Variants in ETF1 observed in about 807,000 individuals in gnomAD.
The protein encoded by ETF1 is eukaryotic peptide chain release factor subunit 1.
ETF1 carries 4 observed loss-of-function variants against 55.1 expected under a neutral mutation model. That is an observed-to-expected ratio of 0.07 (90% confidence interval 0.04 to 0.17). ETF1 has a LOEUF of 0.17. Ranked by LOEUF, ETF1 falls within the 10% of genes least tolerant of loss-of-function variation. ETF1 has a pLI of 1.00. For synonymous variants in ETF1, 157 were observed against 182.3 expected (o/e 0.86, Z 1.12); for missense variants, 142 against 523.6 (o/e 0.27, Z 7.11).
chr5:138,520,482 T>C (rs916148060), intron 2 of ETF1, among the ~76,000 whole-genome samples: 3 of 152,180 alleles, frequency 2.0e-5, no homozygotes, highest in Non-Finnish European at 4.4e-5. Context: ...CAAAGACACT[T>C]ATCATCACTA....
intron 2 of ETF1, 41 bp downstream of exon 2, chr5:138,542,792 G>T (rs779241333): frequency 1.2e-6 from 2 of 1,607,280 alleles, no homozygotes; most frequent in Admixed American, 3.4e-5. Flanking sequence ...GAGGGGTCCG[G>T]GAACCAAGAG....
At chr5:138,533,710 C>A (rs530011681) in intron 2 of ETF1, among the ~76,000 whole-genome samples, 8 of 152,194 alleles carry the variant, frequency 5.3e-5, no homozygotes, top group Non-Finnish European at 8.8e-5. Flanking sequence ...CAAAAACCAA[C>A]AACAAATTGT....
At chr5:138,518,107 C>T (rs368528355) in intron 3 of ETF1, among the ~76,000 whole-genome samples, 31 of 146,576 alleles carry the variant, frequency 2.1e-4, no homozygotes, top group Non-Finnish European at 3.9e-4. Flanking sequence ...GAGGCTGAGA[C>T]GGAAGAATCA....
intron 2 of ETF1, among the ~76,000 whole-genome samples, chr5:138,529,239 T>C (rs1285314757): frequency 6.6e-6 from 1 of 152,160 alleles, no homozygotes; most frequent in Admixed American, 6.5e-5. Flanking sequence ...TAAACATTCA[T>C]TTACCCTCAC....
intron 2 of ETF1, among the ~76,000 whole-genome samples, chr5:138,533,814 C>T (rs537739889): frequency 6.6e-6 from 1 of 152,276 alleles, no homozygotes; most frequent in South Asian, 2.1e-4. Context: ...CTATATTAGG[C>T]GTTTACCTTA....
intron 2 of ETF1, among the ~76,000 whole-genome samples, chr5:138,529,179 C>A (rs191426913): frequency 9.8e-4 from 149 of 151,624 alleles, no homozygotes; most frequent in African/African-American, 3.3e-3. Flanking sequence ...AACAAACAAA[C>A]AAAAAAAACA....
At chr5:138,543,026 C>A (rs1389952486) in intron 1 of ETF1, 71 bp downstream of exon 1, 3 of 1,168,886 alleles carry the variant, frequency 2.6e-6, no homozygotes, top group Non-Finnish European at 3.7e-6. Context: ...CGCCATCCCC[C>A]AGAGGCCCTC....
intron 2 of ETF1, among the ~76,000 whole-genome samples, chr5:138,522,924 T>C (rs2127093601): frequency 6.6e-6 from 1 of 152,116 alleles, no homozygotes; most frequent in East Asian, 1.9e-4. Flanking sequence ...GAGAATGGTG[T>C]GAACCCGGGA....
In ETF1 at chr5:138,506,708, C is replaced by T. The variant is rs1403706510; in HGVS notation, c.*1597G>A. ...CAGAGTACAGTGTGAGAACCAGAAA[C>T]TTTACATTTAAGACATACTCCCTTC... On this transcript the variant is annotated 3_prime_UTR_variant, in exon 11 of 11. Coordinates refer to ENST00000360541, the MANE Select transcript of ETF1 (RefSeq NM_004730.4). 1 of 152,620 alleles carries T rather than the reference C, an allele frequency of 6.6e-6. No individual in the cohort carries two copies. The highest frequency in any genetic ancestry group is 1.5e-5 in the Non-Finnish European group (1 of 68,032). 9.5% of individuals were successfully genotyped at this position (152,620 alleles called of 1,614,324 possible).
Position 138,507,968 on chromosome 5 carries a change from T to C in ETF1, c.*337A>G, listed in dbSNP as rs1764618697. The C allele has an allele frequency of 1.8e-5, 4 of 216,652 alleles. No individual in the cohort carries two copies. The highest frequency in any genetic ancestry group is 1.0e-4 in the Admixed American group (2 of 19,098). The allele number at this position is 216,652 out of a possible 1,614,324, so 13.4% of individuals were successfully genotyped here. ...AGCAGTTAAAGTATTTTTGCTTCTA[T>C]GTATGAAGGTTAAAAAAATCATTTT... is the stretch of plus-strand genomic sequence containing the variant. On this transcript the variant is annotated 3_prime_UTR_variant, in exon 11 of 11. Transcript: ENST00000360541.
At position 138,542,838 on chromosome 5, in the gene ETF1, G is replaced by A; in HGVS notation, c.81C>T (p.Ala27=). The A allele has an allele frequency of 6.2e-7, 1 of 1,612,764 alleles. No individual in the cohort carries two copies. The highest frequency in any genetic ancestry group is 8.5e-7 in the Non-Finnish European group (1 of 1,179,784). The change falls in exon 2 of 11, where the codon GCC becomes GCT. Residue 27 remains alanine (A), a synonymous_variant. Transcript: ENST00000360541. Reference sequence around the variant, plus strand: ...GTGCCGGACGCGGCGCTCACCCGCGGGCCGCCTCCAAGCTCTTAATGAGCT... The same window carrying A: ...GTGCCGGACGCGGCGCTCACCCGCGAGCCGCCTCCAAGCTCTTAATGAGCT... ...IKKLIKSLEA[A]RGNGTSMISL...
intron 2 of ETF1, among the ~76,000 whole-genome samples, chr5:138,527,739 G>A (rs1381693222): frequency 6.6e-6 from 1 of 150,834 alleles, no homozygotes; most frequent in Non-Finnish European, 1.5e-5. Context: ...TTCTCAAGGG[G>A]CCTACAACCC....
At chr5:138,530,232 A>AGGGT (rs1483528183) in intron 2 of ETF1, among the ~76,000 whole-genome samples, 2 of 152,174 alleles carry the variant, frequency 1.3e-5, no homozygotes, top group Non-Finnish European at 2.9e-5. Context: ...AGGGAGAGTG[A>AGGGT]GGGTGGTGAT....
chr5:138,542,198 T>C (rs1215164523), intron 2 of ETF1, among the ~76,000 whole-genome samples: 4 of 152,196 alleles, frequency 2.6e-5, no homozygotes, highest in Middle Eastern at 3.4e-3. Flanking sequence ...CGCGCGTACG[T>C]TGGCATTTTC....
At chr5:138,537,221 T>TTC (rs533091726) in intron 2 of ETF1, among the ~76,000 whole-genome samples, 23 of 152,296 alleles carry the variant, frequency 1.5e-4, no homozygotes, top group Non-Finnish European at 2.8e-4. Context: ...ACTACCTCTT[T>TTC]TCTCTCTCAT....
At chr5:138,537,370 C>T in intron 2 of ETF1, among the ~76,000 whole-genome samples, 1 of 152,170 alleles carries the variant, frequency 6.6e-6, no homozygotes, top group East Asian at 1.9e-4. Context: ...ACAGAGCACT[C>T]TCTATGTGGC....
In ETF1 at chr5:138,508,900, C is replaced by T. The variant is rs1451530904; in HGVS notation, c.1084-84G>A. ...GTCCCTCTCACAGCCCCTTGCCCAC[C>T]TATCACTCTCATCCTCCCATTTATA... On this transcript the variant is annotated intron_variant, in intron 9 of 10. Coordinates refer to ENST00000360541, the MANE Select transcript of ETF1 (RefSeq NM_004730.4). 7.2e-6 allele frequency: 11 copies of T among 1,531,814 alleles called. No homozygotes were observed. In the South Asian group the frequency reaches 7.7e-5, roughly 11 times the overall value. 94.9% of individuals were successfully genotyped at this position (1,531,814 alleles called of 1,614,324 possible). A position where few individuals can be genotyped will look rare whatever the true frequency, so the allele number is the denominator to read the frequency against.
At chr5:138,526,545 C>G (rs1765479637) in intron 2 of ETF1, among the ~76,000 whole-genome samples, 1 of 152,080 alleles carries the variant, frequency 6.6e-6, no homozygotes, top group African/African-American at 2.4e-5. Context: ...CCGCCTACCC[C>G]CTGCCCCCCA....
chr5:138,541,041 A>G (rs154070), intron 2 of ETF1, among the ~76,000 whole-genome samples: 152,162 of 152,354 alleles, frequency 1, 75,985 homozygotes, highest in Middle Eastern at 1. Context: ...TAAAATGTGT[A>G]AACCTGCCTG....
Sources: gnomAD v4.1 joint callset for allele counts (sites outside exome capture counted in the v4.1 genomes callset) on GRCh38, gnomAD v4.1.1 for gene constraint, MANE v1.5 for transcripts, NCBI Gene and HGNC (gene_info 2026-07-23, HGNC 2026-07-21) for gene names.